The following SAMD3 variants were observed in gnomAD, a reference collection of about 807,000 sequenced individuals.
SAMD3 encodes sterile alpha motif domain containing 3.
A neutral mutation model predicts 58.5 loss-of-function variants in SAMD3; 63 were observed. The ratio of observed to expected loss-of-function variants is 1.08; its 90% confidence interval spans 0.88 to 1.33. The LOEUF (loss-of-function observed/expected upper bound fraction) is 1.33, where lower values mean the gene tolerates loss of function less well. Among genes scored for constraint, SAMD3 ranks in the 40% most tolerant of loss-of-function variants. The pLI, the probability that SAMD3 is intolerant of heterozygous loss-of-function variation, is 0.00. For synonymous variants in SAMD3, 220 were observed against 210.3 expected (o/e 1.05, Z -0.40); for missense variants, 604 against 608.4 (o/e 0.99, Z 0.08).
At chr6:130,207,154 C>T (rs1363309828) in intron 5 of SAMD3, among the ~76,000 whole-genome samples, 3 of 55,526 alleles carry the variant, frequency 5.4e-5, no homozygotes, top group East Asian at 2.2e-4. Flanking sequence ...TAGACCCCAT[C>T]TCATCAAAAA....
upstream of SAMD3, among the ~76,000 whole-genome samples, chr6:130,227,000 AGGGTAC>A (rs1391521644): frequency 4.6e-5 from 7 of 152,298 alleles, no homozygotes; most frequent in Non-Finnish European, 1.0e-4. Flanking sequence ...ACCCTTTTTG[AGGGTAC>A]AATTGAGTGA....
At chr6:130,167,939 A>G (rs1790871048) in intron 8 of SAMD3, among the ~76,000 whole-genome samples, 1 of 152,252 alleles carries the variant, frequency 6.6e-6, no homozygotes, top group South Asian at 2.1e-4. Flanking sequence ...GAACTCAGGT[A>G]TGTTGACTCA....
intron 2 of SAMD3, among the ~76,000 whole-genome samples, chr6:130,234,523 T>G (rs1020853611): frequency 1.3e-5 from 2 of 152,154 alleles, no homozygotes; most frequent in Non-Finnish European, 2.9e-5. Context: ...TATATCTCTA[T>G]TTTCATAAAA....
intron 5 of SAMD3, among the ~76,000 whole-genome samples, chr6:130,191,586 T>G (rs1793546136): frequency 6.6e-6 from 1 of 151,924 alleles, no homozygotes; most frequent in African/African-American, 2.4e-5. Flanking sequence ...CTTTTCGAAT[T>G]AGAGGAAGCT....
intron 1 of SAMD3, among the ~76,000 whole-genome samples, chr6:130,220,209 C>T (rs1277681989): frequency 6.6e-6 from 1 of 152,102 alleles, no homozygotes; most frequent in Non-Finnish European, 1.5e-5. Context: ...ACCATGTTGG[C>T]CAGGTTGGTC....
intron 8 of SAMD3, chr6:130,159,978 G>T (rs1391672507): frequency 6.6e-6 from 1 of 152,182 alleles, no homozygotes; most frequent in East Asian, 1.9e-4. Flanking sequence ...TGGTGGCATT[G>T]CATGGGGGTG....
At chr6:130,279,473 T>C (rs1774905611) in intron 2 of SAMD3, among the ~76,000 whole-genome samples, 1 of 150,030 alleles carries the variant, frequency 6.7e-6, no homozygotes, top group Non-Finnish European at 1.5e-5. Context: ...TATGGAACTG[T>C]GAATCAATTA....
intron 2 of SAMD3, among the ~76,000 whole-genome samples, chr6:130,235,875 T>C (rs1773130734): frequency 6.6e-6 from 1 of 152,210 alleles, no homozygotes; most frequent in African/African-American, 2.4e-5. Flanking sequence ...TTACAGGTAT[T>C]GTATCATTTA....
intron 9 of SAMD3, among the ~76,000 whole-genome samples, chr6:130,148,915 G>C (rs1404980636): frequency 6.6e-6 from 1 of 152,102 alleles, no homozygotes; most frequent in African/African-American, 2.4e-5. Flanking sequence ...TGTGCAACTT[G>C]CTACGGAGAT....
chr6:130,201,441 C>A (rs1248933481), intron 5 of SAMD3, among the ~76,000 whole-genome samples: 1 of 152,136 alleles, frequency 6.6e-6, no homozygotes, highest in African/African-American at 2.4e-5. Context: ...TTGCAGAATC[C>A]CAGGCCCCAC....
chr6:130,320,900 G>C (rs1310473769), intron 1 of SAMD3, among the ~76,000 whole-genome samples: 2 of 152,078 alleles, frequency 1.3e-5, no homozygotes, highest in Admixed American at 1.3e-4. Context: ...AGCAAATCTT[G>C]CTGTTCTTTG....
At chr6:130,155,654 A>G (rs927797369) in intron 8 of SAMD3, among the ~76,000 whole-genome samples, 8 of 152,224 alleles carry the variant, frequency 5.3e-5, no homozygotes, top group African/African-American at 1.9e-4. Context: ...ATGAGTTAAG[A>G]GGACAGTCAG....
intron 8 of SAMD3, among the ~76,000 whole-genome samples, chr6:130,168,140 G>C (rs1400414895): frequency 6.6e-6 from 1 of 152,144 alleles, no homozygotes; most frequent in Non-Finnish European, 1.5e-5. Flanking sequence ...ACAGAACTAA[G>C]AAATCCACCC....
chr6:130,316,484 T>C (rs1776375912), intron 1 of SAMD3, among the ~76,000 whole-genome samples: 1 of 152,162 alleles, frequency 6.6e-6, no homozygotes, highest in Admixed American at 6.5e-5. Context: ...AAAATTTTTA[T>C]AATTAAAAAA....
chr6:130,190,396 T>C (rs569415573), intron 5 of SAMD3, among the ~76,000 whole-genome samples: 1 of 152,090 alleles, frequency 6.6e-6, no homozygotes, highest in East Asian at 1.9e-4. Context: ...GAACCAGATG[T>C]CGGCAAGGAT....
intron 2 of SAMD3, among the ~76,000 whole-genome samples, chr6:130,264,535 C>A (rs1262128395): frequency 6.6e-6 from 1 of 152,188 alleles, no homozygotes; most frequent in African/African-American, 2.4e-5. Flanking sequence ...TTTACCCTGG[C>A]ATTTCATCAA....
chr6:130,148,188 T>C (rs974309011), intron 9 of SAMD3, among the ~76,000 whole-genome samples: 4 of 152,240 alleles, frequency 2.6e-5, no homozygotes, highest in Non-Finnish European at 5.9e-5. Context: ...TTCTAATTCC[T>C]TTCTTTCTAC....
At chr6:130,228,535 A>G (rs1796450527) in intron 2 of SAMD3, among the ~76,000 whole-genome samples, 1 of 152,138 alleles carries the variant, frequency 6.6e-6, no homozygotes. Flanking sequence ...TATCTGTCCA[A>G]TTACATGAGC....
chr6:130,343,907 G>A (rs1374492973), intron 1 of SAMD3, among the ~76,000 whole-genome samples: 2 of 152,046 alleles, frequency 1.3e-5, no homozygotes, highest in Non-Finnish European at 2.9e-5. Flanking sequence ...GGAAGTTACA[G>A]TGAACCGAGG....
Sources: allele counts gnomAD v4.1 joint callset (sites outside exome capture counted in the v4.1 genomes callset), GRCh38; gene constraint gnomAD v4.1.1; transcripts MANE v1.5; gene names NCBI Gene and HGNC (gene_info 2026-07-23, HGNC 2026-07-21).